ABCG8: variants seen among roughly 807,000 people sequenced by gnomAD.
ABCG8 encodes the protein ATP binding cassette subfamily G member 8, also known as ATP-binding cassette sub-family G member 8.
In ABCG8, 81 loss-of-function variants were observed where a neutral mutation model predicts 71.3. The ratio of observed to expected loss-of-function variants is 1.14; its 90% CI spans 0.95 to 1.37. ABCG8 has a LOEUF of 1.37. Among genes scored for constraint, ABCG8 ranks in the 40% most tolerant of loss-of-function variants. ABCG8 has a pLI of 0.00. For missense variants in ABCG8, 1,119 were observed against 866.2 expected, an observed-to-expected ratio of 1.29 and a Z score of -3.66; for synonymous variants, 451 against 354.7, an observed-to-expected ratio of 1.27 and a Z score of -3.05.
intron 6 of ABCG8, 103 bp from the exon 7 acceptor site, chr2:43,871,873 C>A (rs975117741): frequency 1.1e-5 from 17 of 1,522,492 alleles, no homozygotes; most frequent in East Asian, 9.2e-5. Context: ...CAGAGCCCCA[C>A]GAGGGGTGAT....
chr2:43,869,839 C>A (rs529422178), intron 6 of ABCG8, among the ~76,000 whole-genome samples: 2 of 152,076 alleles, frequency 1.3e-5, no homozygotes, highest in Non-Finnish European at 2.9e-5. Flanking sequence ...CCCTCACTAT[C>A]TGTCTGGATG....
chr2:43,846,205 G>C lies in ABCG8; in HGVS notation c.216G>C (p.Lys72Asn). ...VPWFEQLAQF[K>N]MPWTSPSCQN... ...GGTTTGAGCAGCTGGCTCAGTTCAA[G>C]ATGCCCTGGACATCTCCCAGCTGCC... The change falls in exon 3 of 13, where the codon AAG (lysine) becomes AAC (asparagine). Residue 72 changes from lysine to asparagine, a missense_variant. Lys to Asn is a moderately conservative substitution (Grantham distance 94, BLOSUM62 0). Transcript: ENST00000272286. 1 of 1,614,122 alleles carries C rather than the reference G, an allele frequency of 6.2e-7. No individual in the cohort carries two copies. The highest frequency in any genetic ancestry group is 8.5e-7 in the Non-Finnish European group (1 of 1,180,040).
At position 43,845,904 on chromosome 2, in the gene ABCG8, G is replaced by A. The variant is rs568589686; in HGVS notation, c.166-251G>A. Among the ~76,000 whole-genome samples the A allele has an allele frequency of 3.3e-5, 5 of 152,176 alleles. No individual in the cohort carries two copies. In the South Asian group the frequency reaches 8.3e-4, roughly 25 times the overall value. On this transcript the variant is annotated intron_variant, in intron 2 of 12. Transcript: ENST00000272286. Reference sequence around the variant, plus strand: ...TCCAAAGTGCTGAGATTACAGGCATGAGCCACCATGCCTGGCCTGTACATG... The same window carrying A: ...TCCAAAGTGCTGAGATTACAGGCATAAGCCACCATGCCTGGCCTGTACATG...
chr2:43,842,087 C>T (rs1668597896), intron 1 of ABCG8, among the ~76,000 whole-genome samples: 1 of 152,102 alleles, frequency 6.6e-6, no homozygotes, highest in Non-Finnish European at 1.5e-5. Context: ...GCTCCCTGCA[C>T]CTCCACCTGC....
chr2:43,844,992 C>A (rs1668697981), intron 2 of ABCG8, among the ~76,000 whole-genome samples: 1 of 150,886 alleles, frequency 6.6e-6, no homozygotes, highest in African/African-American at 2.4e-5. Context: ...TCTTGCATAC[C>A]CATAGTATAA....
intron 10 of ABCG8, 136 bp downstream of exon 10, chr2:43,874,619 G>A (rs1558857950): frequency 2.6e-6 from 2 of 760,056 alleles, no homozygotes; most frequent in Non-Finnish European, 4.7e-6. Flanking sequence ...GCCACCAGAT[G>A]CCACATTTTC....
At chr2:43,853,660 A>G (rs150234703) in intron 6 of ABCG8, among the ~76,000 whole-genome samples, 3 of 152,140 alleles carry the variant, frequency 2.0e-5, no homozygotes, top group Admixed American at 6.5e-5. Flanking sequence ...GGGCCCAAAC[A>G]TGCCAGGCTC....
intron 6 of ABCG8, among the ~76,000 whole-genome samples, chr2:43,864,684 C>T (rs780302951): frequency 3.3e-5 from 5 of 151,614 alleles, no homozygotes; most frequent in Non-Finnish European, 7.4e-5. Flanking sequence ...GCATAGAACT[C>T]TCACTATCTA....
intron 6 of ABCG8, among the ~76,000 whole-genome samples, chr2:43,870,293 C>T (rs1452953038): frequency 3.3e-5 from 5 of 151,958 alleles, no homozygotes; most frequent in Non-Finnish European, 5.9e-5. Context: ...AGAATTCTCA[C>T]TATCTGGATA....
In ABCG8 at chr2:43,877,702, G is replaced by T. The variant is rs752343755; in HGVS notation, c.1884+14G>T. 1.9e-6 allele frequency: 3 copies of T among 1,614,078 alleles called. No homozygotes were observed. The highest frequency in any genetic ancestry group is 1.7e-6 in the Non-Finnish European group (2 of 1,179,996). The stretch of plus-strand genomic sequence containing the variant: ...TCAGGAGATAAAGTAAGCGGGGAAG[G>T]CCTCGGGTTCTAAATTATTGGACGT... On this transcript the variant is annotated intron_variant, in intron 12 of 12. Coordinates refer to ENST00000272286, the MANE Select transcript of ABCG8 (RefSeq NM_022437.3).
chr2:43,848,082 G>A (rs1319929090), intron 3 of ABCG8: 1 of 152,020 alleles, frequency 6.6e-6, no homozygotes, highest in East Asian at 1.9e-4. Context: ...GTTGTTTATA[G>A]ATTCAGTGTT....
intron 6 of ABCG8, among the ~76,000 whole-genome samples, chr2:43,861,844 C>A (rs1001166895): frequency 1.3e-5 from 2 of 151,298 alleles, no homozygotes; most frequent in Admixed American, 1.3e-4. Context: ...AGAACTCTCA[C>A]TATCTATCTG....
intron 8 of ABCG8, among the ~76,000 whole-genome samples, chr2:43,872,745 C>G (rs140647682): frequency 3.4e-4 from 52 of 152,250 alleles, no homozygotes; most frequent in Admixed American, 1.4e-3. Context: ...CCAGCACTAA[C>G]CTTCAGTGCG....
intron 6 of ABCG8, among the ~76,000 whole-genome samples, chr2:43,857,968 A>G (rs1219894929): frequency 1.3e-5 from 2 of 150,870 alleles, no homozygotes; most frequent in African/African-American, 4.9e-5. Context: ...CACCATCTGG[A>G]TAGAATTCTC....
At chr2:43,877,135 G>A (rs1388024192) in intron 11 of ABCG8, among the ~76,000 whole-genome samples, 3 of 151,194 alleles carry the variant, frequency 2.0e-5, no homozygotes, top group East Asian at 3.9e-4. Context: ...GGGAGACCGT[G>A]GGAATATGAG....
At chr2:43,851,250 G>A (rs1348696084) in intron 3 of ABCG8, among the ~76,000 whole-genome samples, 1 of 152,218 alleles carries the variant, frequency 6.6e-6, no homozygotes, top group Non-Finnish European at 1.5e-5. Flanking sequence ...GGCAGGAGGG[G>A]ACAAATGCTC....
In ABCG8 at chr2:43,878,653, A is replaced by T. The variant is rs1165023999; in HGVS notation, c.*740A>T. On this transcript the variant is annotated 3_prime_UTR_variant, in exon 13 of 13. Transcript: ENST00000272286. ...CTTTGGAGTTAGAGGGCAGAAGGCA[A>T]GGCCTGAGCCGCTGTAAGCCTTAGG... is the stretch of plus-strand genomic sequence containing the variant. The T allele has an allele frequency of 1.3e-5, 2 of 155,994 alleles. No individual in the cohort carries two copies. The highest frequency in any genetic ancestry group is 4.8e-5 in the African/African-American group (2 of 41,600). 9.7% of individuals were successfully genotyped at this position (155,994 alleles called of 1,614,324 possible). A position where few individuals can be genotyped will look rare whatever the true frequency, so the allele number is the denominator to read the frequency against.
rs1164674807 is a variant in ABCG8, at chr2:43,875,297, T to G, written c.1640T>G (p.Leu547Arg). 1 of 1,614,088 alleles carries G rather than the reference T, an allele frequency of 6.2e-7. No individual in the cohort carries two copies. Among genetic ancestry groups the G allele is most frequent in the Non-Finnish European group, 8.5e-7 (1 of 1,180,044 alleles). The change falls in exon 11 of 13, where the codon CTG becomes CGG. Residue 547 changes from leucine to arginine, a missense_variant. Physicochemically the swap from Leu to Arg is moderately radical, Grantham distance 102. Coordinates refer to ENST00000272286, the MANE Select transcript of ABCG8 (RefSeq NM_022437.3). ...GTCTTCTGTTGCAGGATTATGGCCC[T>G]GGCCGCCGCGGCCCTGCTCCCCACC... is the stretch of plus-strand genomic sequence containing the variant. Reference protein sequence around the residue: ...LVVFCCRIMALAAAALLPTFH... With the variant: ...LVVFCCRIMARAAAALLPTFH...
chr2:43,844,438 TC>T, intron 1 of ABCG8, 68 bp from the exon 2 acceptor site: 1 of 1,328,508 alleles, frequency 7.5e-7, no homozygotes, highest in South Asian at 1.2e-5. Context: ...CCTGTTGGTT[TC>T]CTTCTTGTCT....
Sources: allele counts gnomAD v4.1 joint callset (sites outside exome capture counted in the v4.1 genomes callset), GRCh38; gene constraint gnomAD v4.1.1; transcripts MANE v1.5; gene names NCBI Gene and HGNC (gene_info 2026-07-23, HGNC 2026-07-21).